TNFRSF19: variants seen among roughly 807,000 people sequenced by gnomAD.
TNFRSF19 encodes tumor necrosis factor receptor superfamily member 19.
In TNFRSF19, 27 loss-of-function variants were observed where a neutral mutation model predicts 46.4. That is an observed-to-expected ratio of 0.58 (90% CI 0.43 to 0.80). TNFRSF19 has a LOEUF of 0.80. Among genes scored for constraint, TNFRSF19 ranks in the 30% least tolerant of loss-of-function variants. The pLI, the probability that TNFRSF19 is intolerant of heterozygous loss-of-function variation, is 0.00. For synonymous variants in TNFRSF19, 204 were observed against 205.0 expected (o/e 1.00, Z 0.04); for missense variants, 511 against 530.8 (o/e 0.96, Z 0.37).
chr13:23,648,614 G>A (rs1369195550), intron 5 of TNFRSF19, among the ~76,000 whole-genome samples: 2 of 152,092 alleles, frequency 1.3e-5, no homozygotes, highest in East Asian at 1.9e-4. Flanking sequence ...AGGATTTCCA[G>A]TACTATATTA....
chr13:23,668,062 T>C lies in TNFRSF19; in HGVS notation c.819T>C (p.Ser273=), dbSNP rs778160112. The change falls in exon 8 of 10, where the codon TCT becomes TCC. Residue 273 remains serine (S), a synonymous_variant. Coordinates refer to ENST00000248484, the MANE Select transcript of TNFRSF19 (RefSeq NM_148957.4). The stretch of plus-strand genomic sequence containing the variant: ...CGACTCTTGGTTGTGGGGTGCATTC[T>C]GCAGCCAGTCTTCAGGCAAGGTAAC... ...NPATLGCGVH[S]AASLQARNAG... 1 of 1,607,510 alleles carries C rather than the reference T, an allele frequency of 6.2e-7. No homozygotes were observed. The highest frequency in any genetic ancestry group is 1.3e-5 in the African/African-American group (1 of 75,006).
At chr13:23,634,374 C>T (rs975208387) in intron 5 of TNFRSF19, among the ~76,000 whole-genome samples, 3 of 152,230 alleles carry the variant, frequency 2.0e-5, no homozygotes, top group Non-Finnish European at 4.4e-5. Flanking sequence ...CTTTTATCTT[C>T]AGTCTCTGTT....
intron 1 of TNFRSF19, among the ~76,000 whole-genome samples, chr13:23,579,008 G>A (rs1214582133): frequency 6.6e-6 from 1 of 152,254 alleles, no homozygotes; most frequent in Non-Finnish European, 1.5e-5. Flanking sequence ...ATCCCCTCTG[G>A]CTGGGATGCG....
At chr13:23,658,723 T>G (rs1376035859) in intron 5 of TNFRSF19, among the ~76,000 whole-genome samples, 2 of 152,142 alleles carry the variant, frequency 1.3e-5, no homozygotes, top group African/African-American at 4.8e-5. Context: ...CAACCAGAGG[T>G]AAAGATGACA....
chr13:23,617,185 G>T (rs1475642566), intron 4 of TNFRSF19, among the ~76,000 whole-genome samples: 3 of 152,164 alleles, frequency 2.0e-5, no homozygotes, highest in Non-Finnish European at 4.4e-5. Context: ...TCTACCTGGT[G>T]TGGGTAAAAA....
intron 5 of TNFRSF19, among the ~76,000 whole-genome samples, chr13:23,641,893 G>C (rs961920292): frequency 6.6e-6 from 1 of 152,114 alleles, no homozygotes; most frequent in African/African-American, 2.4e-5. Context: ...GCTTACCCTA[G>C]CCTGCTTTAA....
At chr13:23,618,777 T>C (rs1407587025) in intron 4 of TNFRSF19, among the ~76,000 whole-genome samples, 1 of 152,260 alleles carries the variant, frequency 6.6e-6, no homozygotes, top group Non-Finnish European at 1.5e-5. Context: ...GGTTTGAATG[T>C]GTCCCCTCCA....
chr13:23,592,931 A>G (rs914530983), intron 2 of TNFRSF19, among the ~76,000 whole-genome samples: 1 of 151,822 alleles, frequency 6.6e-6, no homozygotes, highest in Middle Eastern at 3.2e-3. Flanking sequence ...TTCAATTCAG[A>G]TTTTTTTCTG....
At chr13:23,626,432 G>A (rs542642267) in intron 4 of TNFRSF19, among the ~76,000 whole-genome samples, 4 of 152,052 alleles carry the variant, frequency 2.6e-5, no homozygotes, top group South Asian at 2.1e-4. Flanking sequence ...TAAAAATGCC[G>A]AAGACCACTG....
intron 5 of TNFRSF19, among the ~76,000 whole-genome samples, chr13:23,647,588 G>T (rs1883408083): frequency 6.6e-6 from 1 of 151,892 alleles, no homozygotes; most frequent in African/African-American, 2.4e-5. Context: ...TAATAGAGAT[G>T]GGTTCTTGCA....
At chr13:23,671,227 C>T (rs1951757674) in intron 9 of TNFRSF19, among the ~76,000 whole-genome samples, 1 of 152,162 alleles carries the variant, frequency 6.6e-6, no homozygotes, top group African/African-American at 2.4e-5. Flanking sequence ...ACACTTTCAA[C>T]TCAAATCATT....
chr13:23,647,632 C>T (rs527656698), intron 5 of TNFRSF19, among the ~76,000 whole-genome samples: 22 of 152,142 alleles, frequency 1.4e-4, no homozygotes, highest in Non-Finnish European at 3.2e-4. Flanking sequence ...CTCAAGCAAT[C>T]CTTCCACTTC....
chr13:23,589,385 C>T (rs1566167121), intron 1 of TNFRSF19, among the ~76,000 whole-genome samples: 1 of 152,142 alleles, frequency 6.6e-6, no homozygotes, highest in African/African-American at 2.4e-5. Context: ...AAGATGAATG[C>T]TTATTTTTCT....
rs189354885 is a variant in TNFRSF19 at position 23,578,887 on chromosome 13, G to A, written c.-35+8039G>A. 8.7e-3 allele frequency among the ~76,000 whole-genome samples: 1,328 copies of A among 152,296 alleles called. 22 individuals are homozygous for A. Among genetic ancestry groups the A allele is most frequent in the African/African-American group, 0.03 (1,248 of 41,554 alleles). On this transcript the variant is annotated intron_variant, in intron 1 of 9. Coordinates refer to ENST00000248484, the MANE Select transcript of TNFRSF19 (RefSeq NM_148957.4). ...GCAGGAGGCGAACTCGGGCTTCCCC[G>A]GGAGGCGTCCGTGGGAACGCGCACC...
In TNFRSF19 at chr13:23,639,422, A is replaced by G. The variant is rs1464815195; in HGVS notation, c.445+12630A>G. ...GATAATTTAAAAAAAATTTAAATTC[A>G]TATAGCCCCCGTAGCAGGTGTCCTT... On this transcript the variant is annotated intron_variant, in intron 5 of 9. Transcript: ENST00000248484. Among the ~76,000 whole-genome samples the G allele has an allele frequency of 4.6e-5, 7 of 152,314 alleles. 1 individual carries two copies. Among genetic ancestry groups the G allele is most frequent in the South Asian group, 4.1e-4 (2 of 4,832 alleles).
At chr13:23,650,389 A>G (rs574434062) in intron 5 of TNFRSF19, among the ~76,000 whole-genome samples, 2 of 152,362 alleles carry the variant, frequency 1.3e-5, no homozygotes, top group South Asian at 4.1e-4. Flanking sequence ...GTGTATCTAT[A>G]CAATGGAATA....
intron 5 of TNFRSF19, among the ~76,000 whole-genome samples, chr13:23,655,190 T>A (rs911495214): frequency 6.6e-6 from 1 of 152,198 alleles, no homozygotes; most frequent in African/African-American, 2.4e-5. Flanking sequence ...TTCCTCAAAC[T>A]TTTTTAATGC....
At chr13:23,591,728 C>CTTTTTTTTT (rs1238199379) in intron 2 of TNFRSF19, among the ~76,000 whole-genome samples, 1 of 103,656 alleles carries the variant, frequency 9.6e-6, no homozygotes. Flanking sequence ...TTCTTTCTTT[C>CTTTTTTTTT]TTTTTTTTTT....
At chr13:23,593,482 G>A (rs753868076) in intron 3 of TNFRSF19, 27 bp downstream of exon 3, 9 of 1,472,520 alleles carry the variant, frequency 6.1e-6, no homozygotes, top group Non-Finnish European at 8.4e-6. Flanking sequence ...GCAAAGTTGT[G>A]TATCTGTGTT....
Sources: allele counts gnomAD v4.1 joint callset (sites outside exome capture counted in the v4.1 genomes callset), GRCh38; gene constraint gnomAD v4.1.1; transcripts MANE v1.5; gene names NCBI Gene and HGNC (gene_info 2026-07-23, HGNC 2026-07-21).